The following SCAMP1 variants were observed in gnomAD, a reference collection of about 807,000 sequenced individuals.
SCAMP1 encodes secretory carrier-associated membrane protein 1.
Under a neutral mutation model 41.8 loss-of-function variants are expected in SCAMP1, and 15 were observed. The observed-to-expected ratio is 0.36, with a 90% CI of 0.24 to 0.55. The LOEUF is 0.55. Among genes scored for constraint, SCAMP1 ranks in the 20% least tolerant of loss-of-function variants. The pLI is 0.86. For synonymous variants in SCAMP1, 135 were observed against 136.8 expected (o/e 0.99, Z 0.09); for missense variants, 341 against 412.6 (o/e 0.83, Z 1.50).
intron 7 of SCAMP1, among the ~76,000 whole-genome samples, chr5:78,450,597 C>G (rs573062889): frequency 7.2e-5 from 11 of 152,254 alleles, no homozygotes; most frequent in African/African-American, 2.6e-4. Flanking sequence ...GAGGTAATAG[C>G]AGATTTAGGT....
At chr5:78,400,231 T>G (rs960914660) in intron 2 of SCAMP1, among the ~76,000 whole-genome samples, 138 of 152,354 alleles carry the variant, frequency 9.1e-4, no homozygotes, top group African/African-American at 3.2e-3. Flanking sequence ...GGTCTGTTTT[T>G]CTAATCTTTT....
rs544355851 is a variant in SCAMP1 at position 78,480,469 on chromosome 5, A to C, written c.*4801A>C. On this transcript the variant is annotated 3_prime_UTR_variant, in exon 9 of 9. Transcript: ENST00000621999. The stretch of plus-strand genomic sequence containing the variant: ...ATGCCAGTGATTCTCAAGATAAATC[A>C]TGATTGTAGTAGTTGTTACTGTTGG... Among the ~76,000 whole-genome samples the C allele has an allele frequency of 1.3e-5, 2 of 152,310 alleles. No homozygotes were observed. Among genetic ancestry groups the C allele is most frequent in the South Asian group, 2.1e-4 (1 of 4,832 alleles).
intron 6 of SCAMP1, among the ~76,000 whole-genome samples, chr5:78,444,026 T>C (rs1340401796): frequency 6.6e-6 from 1 of 152,184 alleles, no homozygotes; most frequent in African/African-American, 2.4e-5. Context: ...AAAAAACACA[T>C]ATGCAAATTT....
intron 6 of SCAMP1, among the ~76,000 whole-genome samples, chr5:78,433,842 G>C (rs1053651419): frequency 2.0e-5 from 3 of 152,064 alleles, no homozygotes; most frequent in African/African-American, 7.3e-5. Flanking sequence ...TCTCTGGAGT[G>C]GAGAGATCTG....
rs1580727737 is a variant in SCAMP1, at chr5:78,478,308, A to G, written c.*2640A>G. ...GTTTGTTTGTATAATTTTGAACACT[A>G]TAATAGCAATTCAGAGACAGACATT... On this transcript the variant is annotated 3_prime_UTR_variant, in exon 9 of 9. Transcript: ENST00000621999. 3 of 152,748 alleles carry G rather than the reference A, an allele frequency of 2.0e-5. No homozygotes were observed. Among genetic ancestry groups the G allele is most frequent in the East Asian group, 3.9e-4 (2 of 5,194 alleles). The allele number at this position is 152,748 out of a possible 1,614,324, so 9.5% of individuals were successfully genotyped here.
At chr5:78,433,808 A>G (rs1040733078) in intron 6 of SCAMP1, among the ~76,000 whole-genome samples, 4 of 152,078 alleles carry the variant, frequency 2.6e-5, no homozygotes, top group Admixed American at 2.6e-4. Context: ...GTTCTGGTTC[A>G]GCCTCAGCCT....
At chr5:78,361,870 C>T (rs1424928727) in intron 1 of SCAMP1, among the ~76,000 whole-genome samples, 1 of 152,172 alleles carries the variant, frequency 6.6e-6, no homozygotes, top group Non-Finnish European at 1.5e-5. Flanking sequence ...CATTAAGAAT[C>T]CTGGAAGAGG....
chr5:78,465,934 A>C (rs1247868174), intron 8 of SCAMP1, among the ~76,000 whole-genome samples: 1 of 152,228 alleles, frequency 6.6e-6, no homozygotes, highest in African/African-American at 2.4e-5. Context: ...CACTCTTCTT[A>C]AAGTCAACTG....
In SCAMP1 at chr5:78,467,736, C is replaced by T. The variant is rs566465156; in HGVS notation, c.853-7768C>T. Among the ~76,000 whole-genome samples the T allele has an allele frequency of 1.1e-3, 170 of 152,152 alleles. 1 individual carries two copies. The highest frequency in any genetic ancestry group is 2.1e-3 in the Non-Finnish European group (146 of 68,000). ...ATTTTCTGTATGATTTTATGAAGTA[C>T]GATAGGGATACTATAAGCTAAAATA... On this transcript the variant is annotated intron_variant, in intron 8 of 8. Transcript: ENST00000621999.
chr5:78,438,212 C>T (rs1483517618), intron 6 of SCAMP1, among the ~76,000 whole-genome samples: 2 of 152,132 alleles, frequency 1.3e-5, no homozygotes, highest in Non-Finnish European at 2.9e-5. Context: ...TCTCTATCTC[C>T]TTCAGTTCTG....
intron 6 of SCAMP1, among the ~76,000 whole-genome samples, chr5:78,422,889 TA>T (rs1227581357): frequency 6.6e-6 from 1 of 152,204 alleles, no homozygotes; most frequent in African/African-American, 2.4e-5. Flanking sequence ...ATTACTAGGA[TA>T]TATGCGTGTG....
chr5:78,418,631 G>A (rs1175052840), intron 4 of SCAMP1, 144 bp from the exon 5 acceptor site: 1 of 592,668 alleles, frequency 1.7e-6, no homozygotes, highest in Non-Finnish European at 2.8e-6. Flanking sequence ...GTCTTTCAGA[G>A]TTCTAGGAAT....
intron 6 of SCAMP1, among the ~76,000 whole-genome samples, chr5:78,445,313 C>T (rs1753026958): frequency 6.6e-6 from 1 of 152,156 alleles, no homozygotes; most frequent in African/African-American, 2.4e-5. Context: ...TTCCAGTAGG[C>T]TTTGATCTGA....
intron 6 of SCAMP1, among the ~76,000 whole-genome samples, chr5:78,432,509 C>T (rs72760940): frequency 0.051 from 7,761 of 152,092 alleles, 260 homozygotes; most frequent in Non-Finnish European, 0.077. Flanking sequence ...TACTTTCTTT[C>T]GTACTTTAAA....
intron 7 of SCAMP1, among the ~76,000 whole-genome samples, chr5:78,455,236 T>C (rs1753357811): frequency 1.3e-5 from 2 of 150,516 alleles, no homozygotes; most frequent in South Asian, 4.3e-4. Flanking sequence ...CTTTTGAACG[T>C]GTTTGCCCTT....
intron 6 of SCAMP1, among the ~76,000 whole-genome samples, chr5:78,448,643 G>T (rs1753136931): frequency 6.6e-6 from 1 of 152,200 alleles, no homozygotes; most frequent in Non-Finnish European, 1.5e-5. Flanking sequence ...TAAAAAGACT[G>T]TAACAAGTGT....
chr5:78,434,999 A>G (rs930494504), intron 6 of SCAMP1, among the ~76,000 whole-genome samples: 20 of 152,234 alleles, frequency 1.3e-4, no homozygotes, highest in Non-Finnish European at 2.9e-4. Flanking sequence ...TGGTAGCATT[A>G]TTCTAGAACA....
chr5:78,432,306 ATG>A (rs1472734931), intron 6 of SCAMP1, among the ~76,000 whole-genome samples: 1 of 152,112 alleles, frequency 6.6e-6, no homozygotes, highest in Non-Finnish European at 1.5e-5. Context: ...GTGGGTGTAT[ATG>A]TGGAGATCCA....
intron 6 of SCAMP1, among the ~76,000 whole-genome samples, chr5:78,432,139 C>T (rs866345709): frequency 6.6e-6 from 1 of 152,210 alleles, no homozygotes. Context: ...CCTTCCTGGC[C>T]TCTGGTCACC....
Sources: gnomAD v4.1 joint callset for allele counts (sites outside exome capture counted in the v4.1 genomes callset) on GRCh38, gnomAD v4.1.1 for gene constraint, MANE v1.5 for transcripts, NCBI Gene and HGNC (gene_info 2026-07-23, HGNC 2026-07-21) for gene names.